GALNTL6: variants seen among roughly 807,000 people sequenced by gnomAD.
GALNTL6 encodes polypeptide N-acetylgalactosaminyltransferase-like 6.
GALNTL6 carries 46 observed loss-of-function variants against 73.7 expected under a neutral mutation model. The observed-to-expected ratio is 0.62, with a 90% CI of 0.49 to 0.80. GALNTL6 has a LOEUF of 0.80. GALNTL6 is among the 30% of genes least tolerant of loss of function. The pLI is 0.00. For missense variants in GALNTL6, 604 were observed against 755.0 expected (o/e 0.80, Z 2.34); for synonymous variants, 259 against 263.7 (o/e 0.98, Z 0.17).
intron 5 of GALNTL6, among the ~76,000 whole-genome samples, chr4:172,665,750 A>G (rs950729890): frequency 2.6e-5 from 4 of 152,212 alleles, no homozygotes; most frequent in African/African-American, 4.8e-5. Flanking sequence ...ACTATTTATT[A>G]TATTAATGAA....
chr4:172,895,406 T>G (rs563833261), intron 8 of GALNTL6, among the ~76,000 whole-genome samples: 1 of 149,766 alleles, frequency 6.7e-6, no homozygotes, highest in Non-Finnish European at 1.5e-5. Context: ...ATATATATTT[T>G]TTTTTTGCTT....
At chr4:171,947,607 C>T (rs1738742934) in intron 2 of GALNTL6, among the ~76,000 whole-genome samples, 1 of 152,158 alleles carries the variant, frequency 6.6e-6, no homozygotes, top group East Asian at 1.9e-4. Context: ...CTGCTTAACT[C>T]ACTGCCTAGT....
At chr4:172,599,587 A>C (rs781422527) in intron 5 of GALNTL6, among the ~76,000 whole-genome samples, 7 of 152,048 alleles carry the variant, frequency 4.6e-5, no homozygotes, top group Non-Finnish European at 8.8e-5. Context: ...GAAAGGAAAA[A>C]ATTTCTTACC....
intron 7 of GALNTL6, among the ~76,000 whole-genome samples, chr4:172,872,090 G>A (rs1423879791): frequency 6.6e-6 from 1 of 152,198 alleles, no homozygotes; most frequent in Non-Finnish European, 1.5e-5. Flanking sequence ...ACTGTGCCCA[G>A]CAAGTTTAGT....
chr4:172,230,265 A>T (rs968666294), intron 3 of GALNTL6, among the ~76,000 whole-genome samples: 2 of 152,194 alleles, frequency 1.3e-5, no homozygotes, highest in African/African-American at 2.4e-5. Flanking sequence ...GGAATCAAGT[A>T]GGTCTGTGTG....
intron 5 of GALNTL6, among the ~76,000 whole-genome samples, chr4:172,598,501 G>A (rs1232029704): frequency 6.6e-6 from 1 of 152,098 alleles, no homozygotes; most frequent in Non-Finnish European, 1.5e-5. Context: ...CAGTTGCAGA[G>A]CCCAGTGCCA....
At chr4:172,471,210 T>C (rs1170398452) in intron 5 of GALNTL6, among the ~76,000 whole-genome samples, 1 of 152,032 alleles carries the variant, frequency 6.6e-6, no homozygotes, top group South Asian at 2.1e-4. Context: ...TGCATGCAGG[T>C]TGATCAATAT....
At chr4:172,457,303 A>G (rs1234167375) in intron 5 of GALNTL6, among the ~76,000 whole-genome samples, 1 of 152,218 alleles carries the variant, frequency 6.6e-6, no homozygotes, top group Non-Finnish European at 1.5e-5. Flanking sequence ...AACTGCATCA[A>G]CTAACGGGCA....
chr4:171,915,140 G>A (rs530658029), intron 2 of GALNTL6, among the ~76,000 whole-genome samples: 1 of 152,184 alleles, frequency 6.6e-6, no homozygotes, highest in South Asian at 2.1e-4. Context: ...CTATAAAAAT[G>A]TATGTTCATA....
intron 5 of GALNTL6, among the ~76,000 whole-genome samples, chr4:172,383,746 C>T (rs559780125): frequency 2.6e-5 from 4 of 152,034 alleles, no homozygotes; most frequent in African/African-American, 9.7e-5. Context: ...AGGAAGTTCC[C>T]TTCTATTTGG....
chr4:172,102,771 C>CAGGTAAGGGTTCCCCCCAGGAAAGAGA (rs1732554568), intron 2 of GALNTL6, among the ~76,000 whole-genome samples: 1 of 152,180 alleles, frequency 6.6e-6, no homozygotes, highest in Non-Finnish European at 1.5e-5. Flanking sequence ...TACTCTGACA[C>CAGGTAAGGGTTCCCCCCAGGAAAGAGA]TTCTCGCTAG....
chr4:172,075,900 T>C (rs1326083749), intron 2 of GALNTL6, among the ~76,000 whole-genome samples: 4 of 152,200 alleles, frequency 2.6e-5, no homozygotes, highest in Non-Finnish European at 4.4e-5. Context: ...GATGAATCCT[T>C]TAAATATGTG....
At chr4:171,939,617 G>A (rs143568268) in intron 2 of GALNTL6, among the ~76,000 whole-genome samples, 1,651 of 151,982 alleles carry the variant, frequency 0.011, 29 homozygotes, top group African/African-American at 0.038. Context: ...CTTCAGTACT[G>A]AAAGATTGAG....
intron 4 of GALNTL6, among the ~76,000 whole-genome samples, chr4:172,333,058 T>C (rs1741187450): frequency 6.6e-6 from 1 of 152,210 alleles, no homozygotes; most frequent in Non-Finnish European, 1.5e-5. Context: ...TAATTAATGA[T>C]GATCAGCCTC....
At chr4:172,340,932 T>G (rs1741535904) in intron 4 of GALNTL6, among the ~76,000 whole-genome samples, 1 of 152,218 alleles carries the variant, frequency 6.6e-6, no homozygotes, top group Non-Finnish European at 1.5e-5. Context: ...CCCTGAGTTC[T>G]GTGTACAGCT....
intron 2 of GALNTL6, among the ~76,000 whole-genome samples, chr4:172,222,930 A>G (rs1336955675): frequency 6.6e-6 from 1 of 151,970 alleles, no homozygotes; most frequent in African/African-American, 2.4e-5. Context: ...TGAAGGTTTG[A>G]TATGTCCCAA....
intron 2 of GALNTL6, among the ~76,000 whole-genome samples, chr4:171,914,537 C>A (rs1301872922): frequency 2.0e-5 from 3 of 148,378 alleles, no homozygotes; most frequent in Non-Finnish European, 3.0e-5. Context: ...TTCAAGCTAT[C>A]CTCCTGCCTC....
chr4:172,544,960 C>T (rs544829903), intron 5 of GALNTL6, among the ~76,000 whole-genome samples: 3 of 152,176 alleles, frequency 2.0e-5, no homozygotes, highest in Admixed American at 2.0e-4. Context: ...TGCAAATTAT[C>T]CCAGGTTTTT....
intron 5 of GALNTL6, among the ~76,000 whole-genome samples, chr4:172,371,684 C>CCT (rs907751459): frequency 2.5e-4 from 38 of 150,494 alleles, no homozygotes; most frequent in South Asian, 1.7e-3. Context: ...TCTGTCTCTT[C>CCT]CTCTCTCTCT....
Sources: gnomAD v4.1 joint callset for allele counts (sites outside exome capture counted in the v4.1 genomes callset) on GRCh38, gnomAD v4.1.1 for gene constraint, MANE v1.5 for transcripts, NCBI Gene and HGNC (gene_info 2026-07-23, HGNC 2026-07-21) for gene names.